The following DOCK9 variants were observed in gnomAD, a reference collection of about 807,000 sequenced individuals.
The protein encoded by DOCK9 is dedicator of cytokinesis protein 9.
Under a neutral mutation model 263.3 loss-of-function variants are expected in DOCK9, and 89 were observed. The ratio of observed to expected loss-of-function variants is 0.34; its 90% CI spans 0.28 to 0.40. The LOEUF (loss-of-function observed/expected upper bound fraction) is 0.40. DOCK9 is among the 10% of genes least tolerant of loss of function. The pLI, the probability that DOCK9 is intolerant of heterozygous loss-of-function variation, is 1.00. For synonymous variants in DOCK9, 976 were observed against 973.1 expected (o/e 1.00, Z -0.06); for missense variants, 2,140 against 2,603.4 (o/e 0.82, Z 3.87).
At chr13:98,970,383 C>T (rs1019366367) in intron 1 of DOCK9, among the ~76,000 whole-genome samples, 1 of 152,192 alleles carries the variant, frequency 6.6e-6, no homozygotes, top group African/African-American at 2.4e-5. Context: ...GTGGAACAGG[C>T]AGTCCAGAGA....
At chr13:98,824,289 A>C in intron 45 of DOCK9, 109 bp downstream of exon 45, 2 of 870,030 alleles carry the variant, frequency 2.3e-6, no homozygotes, top group South Asian at 3.0e-5. Context: ...TATGTGTATA[A>C]GTAGCAGCTA....
At chr13:98,957,759 T>C (rs1432421770) in intron 1 of DOCK9, among the ~76,000 whole-genome samples, 8 of 152,170 alleles carry the variant, frequency 5.3e-5, no homozygotes, top group African/African-American at 1.7e-4. Context: ...ACCGTAACCA[T>C]ATTCCTAATA....
At chr13:98,972,314 A>G (rs1386047569) in intron 1 of DOCK9, among the ~76,000 whole-genome samples, 1 of 152,276 alleles carries the variant, frequency 6.6e-6, no homozygotes, top group African/African-American at 2.4e-5. Flanking sequence ...CTTGCTATAA[A>G]AAAACAGTCA....
chr13:98,893,735 T>A (rs2046976510), intron 15 of DOCK9, among the ~76,000 whole-genome samples: 1 of 152,166 alleles, frequency 6.6e-6, no homozygotes, highest in Non-Finnish European at 1.5e-5. Context: ...CTGTAAAATA[T>A]ACAGAGGAAA....
intron 9 of DOCK9, among the ~76,000 whole-genome samples, chr13:98,910,434 T>C (rs2049818072): frequency 6.6e-6 from 1 of 152,184 alleles, no homozygotes; most frequent in South Asian, 2.1e-4. Context: ...ATACAGATGT[T>C]CAGTACTAAA....
chr13:98,872,602 T>C (rs945373711), intron 27 of DOCK9, among the ~76,000 whole-genome samples: 5 of 152,126 alleles, frequency 3.3e-5, no homozygotes, highest in Non-Finnish European at 7.4e-5. Flanking sequence ...AGATGACGTC[T>C]CACTATGTTG....
intron 1 of DOCK9, among the ~76,000 whole-genome samples, chr13:99,010,880 C>T (rs1424763274): frequency 6.6e-6 from 1 of 152,158 alleles, no homozygotes; most frequent in Non-Finnish European, 1.5e-5. Flanking sequence ...GCTTTTTCTT[C>T]ACTATATGCT....
chr13:98,960,334 T>C (rs9557097), intron 1 of DOCK9, among the ~76,000 whole-genome samples: 64,124 of 151,972 alleles, frequency 0.42, 13,877 homozygotes, highest in East Asian at 0.56. Flanking sequence ...GATACTATTT[T>C]TCCCTAAGCA....
chr13:98,888,854 C>T, intron 15 of DOCK9, 143 bp from the exon 16 acceptor site: 1 of 664,928 alleles, frequency 1.5e-6, no homozygotes, highest in Non-Finnish European at 2.5e-6. Flanking sequence ...AAACAGCAAA[C>T]AGGAACTGGT....
intron 2 of DOCK9, among the ~76,000 whole-genome samples, chr13:98,933,525 A>C (rs1347316311): frequency 6.6e-6 from 1 of 152,226 alleles, no homozygotes; most frequent in East Asian, 1.9e-4. Context: ...ATTAACCATT[A>C]CTCATCAATT....
chr13:98,859,412 T>C (rs1352259189), intron 33 of DOCK9: 1 of 152,192 alleles, frequency 6.6e-6, no homozygotes, highest in East Asian at 1.9e-4. Context: ...GTATTATTAT[T>C]GCAGGATAAA....
rs769162276 is a variant in DOCK9 at position 98,977,871 on chromosome 13, G to T, written c.39C>A (p.Val13=). 6.2e-7 allele frequency: 1 copy of T among 1,601,948 alleles called. No homozygotes were observed. Among genetic ancestry groups the T allele is most frequent in the East Asian group, 2.2e-5 (1 of 44,546 alleles). ...GGGACTCAATCACCAGTTCCTTTTT[G>T]ACACTTCTACTACTTGTCCTGCATT... The part of the protein sequence containing the change: ...ADKCRTSSRS[V]KKELVIESPL... The change falls in exon 1 of 53, where the codon GTC becomes GTA. Residue 13 remains valine (V), a synonymous_variant. Transcript: ENST00000682017.
intron 13 of DOCK9, 139 bp from the exon 14 acceptor site, chr13:98,898,400 G>T: frequency 1.6e-6 from 1 of 639,190 alleles, no homozygotes; most frequent in Non-Finnish European, 2.8e-6. Context: ...ATACAGTAAT[G>T]AATATGGCTG....
At chr13:98,999,807 A>G (rs1406710818) in intron 1 of DOCK9, among the ~76,000 whole-genome samples, 2 of 152,228 alleles carry the variant, frequency 1.3e-5, no homozygotes, top group African/African-American at 4.8e-5. Flanking sequence ...CACAAAGAGT[A>G]TGATTTGGAC....
chr13:98,847,758 T>C (rs544367474), intron 37 of DOCK9: 24 of 152,284 alleles, frequency 1.6e-4, no homozygotes, highest in African/African-American at 5.5e-4. Flanking sequence ...TGTTTACTTA[T>C]AATAAAGCTG....
At chr13:98,814,761 A>T (rs2091655795) in intron 45 of DOCK9, among the ~76,000 whole-genome samples, 1 of 151,848 alleles carries the variant, frequency 6.6e-6, no homozygotes. Flanking sequence ...CAACATAGTG[A>T]AACCCCATCT....
Position 98,966,222 on chromosome 13 carries a change from G to A in DOCK9, c.127-10671C>T, listed in dbSNP as rs922944663. ...ACATGAGGAGAGAGCTAGGTGGAACGGGAGCAGCTCCCTTGCAAGTGCAGT... is the reference window on the plus strand; with the variant it reads ...ACATGAGGAGAGAGCTAGGTGGAACAGGAGCAGCTCCCTTGCAAGTGCAGT... On this transcript the variant is annotated intron_variant, in intron 1 of 52. Coordinates refer to ENST00000682017, the MANE Select transcript of DOCK9 (RefSeq NM_001366683.2). Among the ~76,000 whole-genome samples, 5 of 152,320 alleles carry A rather than the reference G, an allele frequency of 3.3e-5. No individual in the cohort carries two copies. The East Asian group carries it at 9.6e-4, about 29-fold the overall frequency.
chr13:98,930,406 C>T, intron 2 of DOCK9, 149 bp from the exon 3 acceptor site: 1 of 660,294 alleles, frequency 1.5e-6, no homozygotes, highest in South Asian at 1.7e-5. Context: ...CCTTCCGTCA[C>T]ACACAACAGA....
intron 1 of DOCK9, among the ~76,000 whole-genome samples, chr13:99,036,173 G>T (rs1887855450): frequency 6.6e-6 from 1 of 152,106 alleles, no homozygotes; most frequent in Non-Finnish European, 1.5e-5. Context: ...TATTGATTCT[G>T]TTTCACTAGA....
Sources: gnomAD v4.1 joint callset for allele counts (sites outside exome capture counted in the v4.1 genomes callset) on GRCh38, gnomAD v4.1.1 for gene constraint, MANE v1.5 for transcripts, NCBI Gene and HGNC (gene_info 2026-07-23, HGNC 2026-07-21) for gene names.